TMEM127: variants seen among roughly 807,000 people sequenced by gnomAD.
TMEM127 encodes the protein transmembrane protein 127.
A neutral mutation model predicts 20.1 loss-of-function variants in TMEM127; 21 were observed. The observed-to-expected ratio is 1.04, with a 90% confidence interval of 0.74 to 1.50. The LOEUF (loss-of-function observed/expected upper bound fraction) is 1.50. Ranked by LOEUF, TMEM127 falls within the 40% of genes most tolerant of loss-of-function variation. The pLI is 0.00. For synonymous variants in TMEM127, 150 were observed against 144.7 expected (o/e 1.04, Z -0.26); for missense variants, 303 against 317.4 (o/e 0.95, Z 0.34).
intron 2 of TMEM127, among the ~76,000 whole-genome samples, chr2:96,255,945 C>T (rs989843694): frequency 6.6e-6 from 1 of 152,062 alleles, no homozygotes; most frequent in Non-Finnish European, 1.5e-5. Context: ...TGCACTCCAG[C>T]CTGGATGACC....
Position 96,248,723 on chromosome 2 carries a change from A to T in TMEM127, c.*5085T>A, listed in dbSNP as rs1206145558. On this transcript the variant is annotated 3_prime_UTR_variant, in exon 4 of 4. Coordinates refer to ENST00000258439, the MANE Select transcript of TMEM127 (RefSeq NM_017849.4). ...CAAGGCTAGCTGCCATTTTCTACCA[A>T]GACAGAAGGACAGGAACCTTCCAAA... is the stretch of plus-strand genomic sequence containing the variant. 2 of 229,350 alleles carry T rather than the reference A, an allele frequency of 8.7e-6. No homozygotes were observed. The allele number at this position is 229,350 out of a possible 1,614,324, so 14.2% of individuals were successfully genotyped here.
intron 2 of TMEM127, chr2:96,260,671 C>T (rs1684296493): frequency 6.6e-6 from 1 of 152,222 alleles, no homozygotes; most frequent in African/African-American, 2.4e-5. Flanking sequence ...GTCTATCTGC[C>T]CATTGCTCTA....
At chr2:96,254,402 C>T (rs560240963) in intron 3 of TMEM127, among the ~76,000 whole-genome samples, 6 of 152,110 alleles carry the variant, frequency 3.9e-5, no homozygotes, top group Non-Finnish European at 8.8e-5. Context: ...ACCAGCACAG[C>T]AGTGCAGGCA....
chr2:96,254,899 C>T lies in TMEM127; in HGVS notation c.343G>A (p.Val115Ile), dbSNP rs930453941. Reference sequence around the variant, plus strand: ...AGAGCAGGATGCTTCGGCCCAAAGACATCCAGAAGGAAAGCGGAGAGACTA... The same window carrying T: ...AGAGCAGGATGCTTCGGCCCAAAGATATCCAGAAGGAAAGCGGAGAGACTA... Reference protein sequence around the residue: ...LCSLSAFLLDVFGPKHPALKI... With the variant: ...LCSLSAFLLDIFGPKHPALKI... The change falls in exon 3 of 4, where the codon GTC becomes ATC. Residue 115 changes from valine (V) to isoleucine (I), a missense_variant. Transcript: ENST00000258439. The T allele has an allele frequency of 2.5e-6, 4 of 1,614,032 alleles. No homozygotes were observed. The highest frequency in any genetic ancestry group is 3.4e-6 in the Non-Finnish European group (4 of 1,179,960).
At position 96,253,788 on chromosome 2, in the gene TMEM127, A is replaced by T; in HGVS notation, c.*20T>A. The T allele has an allele frequency of 6.3e-7, 1 of 1,596,656 alleles. No homozygotes were observed. The highest frequency in any genetic ancestry group is 8.6e-7 in the Non-Finnish European group (1 of 1,167,822). On this transcript the variant is annotated 3_prime_UTR_variant, in exon 4 of 4. Coordinates refer to ENST00000258439, the MANE Select transcript of TMEM127 (RefSeq NM_017849.4). The surrounding 1 kb of genome is among the most constrained non-coding windows in gnomAD (Gnocchi z 4.3). ...AGAGTTGAGGGAGGGGCTGCCGAGG[A>T]AGAGAGCCCAGGGCTGGCATTAGGG...
At chr2:96,256,392 G>A (rs754152451) in intron 2 of TMEM127, among the ~76,000 whole-genome samples, 23 of 151,702 alleles carry the variant, frequency 1.5e-4, no homozygotes, top group Non-Finnish European at 3.1e-4. Flanking sequence ...ACCAACATGG[G>A]GAAACCCTGT....
At chr2:96,259,986 A>G (rs1396319824) in intron 2 of TMEM127, among the ~76,000 whole-genome samples, 1 of 152,264 alleles carries the variant, frequency 6.6e-6, no homozygotes, top group Non-Finnish European at 1.5e-5. Context: ...CTAAGGGCCT[A>G]CCCTACAAGT....
In TMEM127 at chr2:96,251,610, G is replaced by C. The variant is rs889486086; in HGVS notation, c.*2198C>G. ...GGGAACAAACCAAATCAGGAAAATC[G>C]TGACAGAAAAATGACAGGCAGCCAT... On this transcript the variant is annotated 3_prime_UTR_variant, in exon 4 of 4. Coordinates refer to ENST00000258439, the MANE Select transcript of TMEM127 (RefSeq NM_017849.4). 4.3e-6 allele frequency: 1 copy of C among 232,678 alleles called. No homozygotes were observed. The highest frequency in any genetic ancestry group is 8.5e-6 in the Non-Finnish European group (1 of 117,534). The allele number at this position is 232,678 out of a possible 1,614,324, so 14.4% of individuals were successfully genotyped here.
At chr2:96,259,579 T>C (rs1186530686) in intron 2 of TMEM127, among the ~76,000 whole-genome samples, 3 of 152,186 alleles carry the variant, frequency 2.0e-5, no homozygotes, top group Non-Finnish European at 4.4e-5. Context: ...TGGGGAATTA[T>C]TGGGCAAAAC....
chr2:96,264,986 C>A, intron 2 of TMEM127, 152 bp downstream of exon 2: 2 of 1,285,396 alleles, frequency 1.6e-6, no homozygotes, highest in South Asian at 2.6e-5. Flanking sequence ...AGGGGCCGGA[C>A]CCCAAACAGA....
intron 2 of TMEM127, among the ~76,000 whole-genome samples, chr2:96,257,227 C>T (rs1251733392): frequency 3.3e-5 from 5 of 152,130 alleles, no homozygotes; most frequent in African/African-American, 4.8e-5. Context: ...TTTGGGAGGC[C>T]GAGGCGGGTG....
In TMEM127 at chr2:96,265,264, ACAGGGCGCCAGG is replaced by A; in HGVS notation, c.106_117del (p.Pro36_Leu39del). On this transcript the variant is annotated inframe_deletion, in exon 2 of 4. Transcript: ENST00000258439. ...AGGGCAGTGCACAGCGCCGTGATAG[ACAGGGCGCCAGG>A]CAGGGCCGAGGCCAGGCTACGCTCC... 6.3e-7 allele frequency: 1 copy of A among 1,584,936 alleles called. No individual in the cohort carries two copies. The highest frequency in any genetic ancestry group is 8.5e-7 in the Non-Finnish European group (1 of 1,170,838).
intron 2 of TMEM127, among the ~76,000 whole-genome samples, chr2:96,259,936 A>G (rs1684281592): frequency 6.6e-6 from 1 of 152,202 alleles, no homozygotes. Context: ...TTCCTTGACC[A>G]CACGTCAGCC....
intron 2 of TMEM127, among the ~76,000 whole-genome samples, chr2:96,256,432 G>C (rs545802642): frequency 6.6e-6 from 1 of 151,628 alleles, no homozygotes; most frequent in Non-Finnish European, 1.5e-5. Context: ...TTAGCCGGGC[G>C]TGGTGGTGCA....
At chr2:96,254,683 C>T in intron 3 of TMEM127, 150 bp downstream of exon 3, 1 of 1,059,018 alleles carries the variant, frequency 9.4e-7, no homozygotes, top group Non-Finnish European at 1.5e-6. Flanking sequence ...GCTGCTGACA[C>T]CCTGACACTC....
intron 2 of TMEM127, among the ~76,000 whole-genome samples, chr2:96,259,214 G>A (rs1322459200): frequency 6.6e-6 from 1 of 152,228 alleles, no homozygotes; most frequent in African/African-American, 2.4e-5. Flanking sequence ...CACACAGATG[G>A]GTGAAGTGCC....
Position 96,249,915 on chromosome 2 carries a change from G to A in TMEM127, c.*3893C>T, listed in dbSNP as rs1411714799. The A allele has an allele frequency of 2.6e-5, 6 of 233,054 alleles. No individual in the cohort carries two copies. Among genetic ancestry groups the A allele is most frequent in the Admixed American group, 5.6e-5 (1 of 17,766 alleles). 14.4% of individuals were successfully genotyped at this position (233,054 alleles called of 1,614,324 possible). On this transcript the variant is annotated 3_prime_UTR_variant, in exon 4 of 4. Coordinates refer to ENST00000258439, the MANE Select transcript of TMEM127 (RefSeq NM_017849.4). ...GGCCCTTCACATCCCATGGCTTCTCGTGTGCGGGCCCCTCTTCGCCTGTGC... is the reference window on the plus strand; with the variant it reads ...GGCCCTTCACATCCCATGGCTTCTCATGTGCGGGCCCCTCTTCGCCTGTGC...
chr2:96,256,677 G>A (rs781543116), intron 2 of TMEM127, among the ~76,000 whole-genome samples: 5 of 151,912 alleles, frequency 3.3e-5, no homozygotes, highest in Admixed American at 2.6e-4. Context: ...AGGAAGTTGC[G>A]GCAGTTTAGA....
In TMEM127 at chr2:96,251,089, C is replaced by T. The variant is rs140164805; in HGVS notation, c.*2719G>A. On this transcript the variant is annotated 3_prime_UTR_variant, in exon 4 of 4. Coordinates refer to ENST00000258439, the MANE Select transcript of TMEM127 (RefSeq NM_017849.4). ...CAGGGTTTGAAGGTTGGGCCTTGGG[C>T]GGGAGTCAGCTACTATTTCTAGCTG... 25 of 216,902 alleles carry T rather than the reference C, an allele frequency of 1.2e-4. No homozygotes were observed. Among genetic ancestry groups the T allele is most frequent in the African/African-American group, 4.3e-4 (19 of 44,514 alleles). The allele number at this position is 216,902 out of a possible 1,614,324, so 13.4% of individuals were successfully genotyped here. A position where few individuals can be genotyped will look rare whatever the true frequency, so the allele number is the denominator to read the frequency against.
Sources: allele counts gnomAD v4.1 joint callset (sites outside exome capture counted in the v4.1 genomes callset), GRCh38; gene constraint gnomAD v4.1.1; non-coding constraint Gnocchi (gnomAD v3.1); transcripts MANE v1.5; gene names NCBI Gene and HGNC (gene_info 2026-07-23, HGNC 2026-07-21).